Variants in TRIM64C observed in about 807,000 individuals in gnomAD.
TRIM64C encodes tripartite motif containing 64C, also known as tripartite motif-containing protein 64C.
A neutral mutation model predicts 36.1 loss-of-function variants in TRIM64C; 25 were observed. The ratio of observed to expected loss-of-function variants is 0.69; its 90% CI spans 0.51 to 0.97. The LOEUF (loss-of-function observed/expected upper bound fraction) is 0.97, where lower values mean the gene tolerates loss of function less well. Ranked by LOEUF, TRIM64C falls within the 50% of genes least tolerant of loss-of-function variation. The pLI is 0.00. For synonymous variants in TRIM64C, 212 were observed against 185.7 expected, an observed-to-expected ratio of 1.14 and a Z score of -1.15; for missense variants, 489 against 536.8, an observed-to-expected ratio of 0.91 and a Z score of 0.88.
At chr11:49,056,452 T>C in intron 3 of TRIM64C, 71 bp from the exon 4 acceptor site, 1 of 1,239,196 alleles carries the variant, frequency 8.1e-7, no homozygotes, top group Non-Finnish European at 1.2e-6. Flanking sequence ...CATACTCTTG[T>C]TTCTTTCTGT....
chr11:49,058,414 A>G (rs531884972), intron 1 of TRIM64C, among the ~76,000 whole-genome samples: 16 of 152,018 alleles, frequency 1.1e-4, no homozygotes, highest in Admixed American at 7.8e-4. Context: ...TGGGTTTTAC[A>G]TAACCTGACT....
chr11:49,057,963 A>AT, intron 2 of TRIM64C, 115 bp downstream of exon 2: 1 of 713,208 alleles, frequency 1.4e-6, no homozygotes, highest in Non-Finnish European at 2.3e-6. Context: ...AAATCACTAC[A>AT]TTTTCTTGAG....
rs749007530 is a variant in TRIM64C at position 49,059,007 on chromosome 11, T to C, written c.106A>G (p.Arg36Gly). ...VTTDCVHSFC[R>G]PCLCLCSEEG... ...TCTGAGCAGAGGCAGAGGCAGGGCC[T>C]GCAAAAGCTGTGCACACAGTCAGTG... The change falls in exon 1 of 6, where the codon AGG (arginine) becomes GGG (glycine). Residue 36 changes from arginine (R) to glycine (G), a missense_variant. Arg to Gly is a moderately radical substitution (Grantham distance 125, BLOSUM62 -2). Coordinates refer to ENST00000617704, the MANE Select transcript of TRIM64C (RefSeq NM_001206631.1). The C allele has an allele frequency of 6.4e-7, 1 of 1,551,680 alleles. No homozygotes were observed. The highest frequency in any genetic ancestry group is 2.4e-5 in the East Asian group (1 of 40,986).
intron 1 of TRIM64C, 112 bp downstream of exon 1, chr11:49,058,589 C>T (rs1173372699): frequency 2.7e-6 from 4 of 1,496,842 alleles, no homozygotes; most frequent in African/African-American, 1.4e-5. Context: ...TTATGATTGA[C>T]ATGGAATAAT....
In TRIM64C at chr11:49,054,226, T is replaced by A. The variant is rs1565097504; in HGVS notation, c.860-19A>T. 1 of 1,548,376 alleles carries A rather than the reference T, an allele frequency of 6.5e-7. No homozygotes were observed. Among genetic ancestry groups the A allele is most frequent in the African/African-American group, 1.4e-5 (1 of 73,106 alleles). On this transcript the variant is annotated intron_variant, in intron 5 of 5. Transcript: ENST00000617704. ...TTATCCACTGACAAGGAAAAAATAT[T>A]ATATTAGTGAGTGCTATGAGGGACA... is the stretch of plus-strand genomic sequence containing the variant.
chr11:49,053,809 A>G lies in TRIM64C; in HGVS notation c.1258T>C (p.Phe420Leu). 3 of 1,551,708 alleles carry G rather than the reference A, an allele frequency of 1.9e-6. No homozygotes were observed. The highest frequency in any genetic ancestry group is 2.6e-6 in the Non-Finnish European group (3 of 1,146,862). ...AGAGAACCTTTAGAAACATCAAAAA[A>G]ACTCACAGATCCATTATCATAATCC... The part of the protein sequence containing the change: ...FLDYDNGSVS[F>L]FDVSKGSLIY... The change falls in exon 6 of 6, where the codon TTT becomes CTT. Residue 420 changes from phenylalanine to leucine, a missense_variant. Physicochemically the swap from Phe to Leu is conservative, Grantham distance 22. Coordinates refer to ENST00000617704, the MANE Select transcript of TRIM64C (RefSeq NM_001206631.1).
chr11:49,054,707 AT>A, intron 5 of TRIM64C, among the ~76,000 whole-genome samples: 1 of 152,246 alleles, frequency 6.6e-6, no homozygotes, highest in African/African-American at 2.4e-5. Flanking sequence ...TTAGCCCCTG[AT>A]TCAATCTACT....
intron 2 of TRIM64C, 23 bp from the exon 3 acceptor site, chr11:49,057,401 G>T: frequency 6.5e-7 from 1 of 1,547,052 alleles, no homozygotes; most frequent in Non-Finnish European, 8.7e-7. Flanking sequence ...TTGGTTAAAA[G>T]GATTACATGT....
chr11:49,057,683 C>T (rs1043864451), intron 2 of TRIM64C: 22 of 471,260 alleles, frequency 4.7e-5, no homozygotes, highest in Non-Finnish European at 8.0e-5. Context: ...TCTAATTTGC[C>T]TAAATGTTAA....
intron 5 of TRIM64C, among the ~76,000 whole-genome samples, chr11:49,054,840 G>A (rs1854793613): frequency 6.6e-6 from 1 of 152,044 alleles, no homozygotes; most frequent in Admixed American, 6.5e-5. Context: ...CATTAGAATT[G>A]TCCTCATTAT....
Position 49,053,926 on chromosome 11 carries a change from A to T in TRIM64C, c.1141T>A (p.Ser381Thr). 1 of 1,551,610 alleles carries T rather than the reference A, an allele frequency of 6.4e-7. No homozygotes were observed. The highest frequency in any genetic ancestry group is 8.7e-7 in the Non-Finnish European group (1 of 1,146,848). The change falls in exon 6 of 6, where the codon TCA becomes ACA. Residue 381 changes from serine (S) to threonine (T), a missense_variant. By Grantham distance (58) the Ser-to-Thr change is moderately conservative (BLOSUM62 1). Coordinates refer to ENST00000617704, the MANE Select transcript of TRIM64C (RefSeq NM_001206631.1). ...AGACTATAGTGATTGCTCGTCTTTG[A>T]AGAAATTGAAAAAAATGTTTTGTCA... ...DSDKTFFSIS[S>T]KTSNHYSLST...
chr11:49,053,804 A>G lies in TRIM64C; in HGVS notation c.1263T>C (p.Phe421=), dbSNP rs535544314. 1 of 1,551,612 alleles carries G rather than the reference A, an allele frequency of 6.4e-7. No homozygotes were observed. The highest frequency in any genetic ancestry group is 2.4e-5 in the East Asian group (1 of 40,916). The change falls in exon 6 of 6, where the codon TTT becomes TTC. Residue 421 remains phenylalanine, a synonymous_variant. Transcript: ENST00000617704. ...AGATAAGAGAACCTTTAGAAACATC[A>G]AAAAAACTCACAGATCCATTATCAT... ...LDYDNGSVSF[F]DVSKGSLIYG...
In TRIM64C at chr11:49,057,090, C is replaced by T. The variant is rs1375827614; in HGVS notation, c.738+58G>A. ...CATATGCTGATGACATTTGCATGTC[C>T]TGGCAGCATTGTCCAGCAAAGGCTT... On this transcript the variant is annotated intron_variant, in intron 3 of 5. Transcript: ENST00000617704. 1.9e-6 allele frequency: 3 copies of T among 1,542,088 alleles called. No individual in the cohort carries two copies. The African/African-American group carries it at 4.2e-5, about 21-fold the overall frequency.
chr11:49,056,062 C>T (rs546637551), intron 4 of TRIM64C, among the ~76,000 whole-genome samples: 3 of 151,660 alleles, frequency 2.0e-5, no homozygotes, highest in South Asian at 2.1e-4. Flanking sequence ...GTAGAAGACA[C>T]CTCTATGATT....
rs1162514861 is a variant in TRIM64C, at chr11:49,053,767, G to T, written c.1300C>A (p.Pro434Thr). The T allele has an allele frequency of 2.6e-6, 4 of 1,551,024 alleles. No individual in the cohort carries two copies. The East Asian group carries it at 9.8e-5, about 38-fold the overall frequency. ...CTCAGAGGGGAAGAGAAGGAGGAAG[G>T]AGGAAAACCATAGATAAGAGAACCT... ...SKGSLIYGFP[P>T]SSFSSPLRPF... The change falls in exon 6 of 6, where the codon CCT (proline) becomes ACT (threonine). Residue 434 changes from proline (P) to threonine (T), a missense_variant. Coordinates refer to ENST00000617704, the MANE Select transcript of TRIM64C (RefSeq NM_001206631.1).
rs1336691557 is a variant in TRIM64C at position 49,054,054 on chromosome 11, G to C, written c.1013C>G (p.Ser338Cys). Residue 338 changes from serine (S) to cysteine (C), a missense_variant, in exon 6 of 6, where the codon TCC (serine) becomes TGC (cysteine). Ser to Cys is a moderately radical substitution (Grantham distance 112, BLOSUM62 -1). Transcript: ENST00000617704. ...ATCCACTTCCCAGTAATGCTTGCCG[G>C]AGGTGAATGCTTGCGCACACCACAC... ...FAVWCAQAFT[S>C]GKHYWEVDVT... 6.4e-7 allele frequency: 1 copy of C among 1,551,552 alleles called. No homozygotes were observed. Among genetic ancestry groups the C allele is most frequent in the Admixed American group, 2.0e-5 (1 of 50,998 alleles).
In TRIM64C at chr11:49,058,062, C is replaced by T. The variant is rs1375721858; in HGVS notation, c.507+16G>A. 2.3e-5 allele frequency: 34 copies of T among 1,478,708 alleles called. No individual in the cohort carries two copies. The highest frequency in any genetic ancestry group is 1.1e-4 in the Admixed American group (5 of 46,302). The allele number at this position is 1,478,708 out of a possible 1,614,324, so 91.6% of individuals were successfully genotyped here. ...TTTATTTGCATAAAAACAAAGGAAA[C>T]ATTTTCATTCTTAACCACTAATGAA... On this transcript the variant is annotated intron_variant, in intron 2 of 5. Coordinates refer to ENST00000617704, the MANE Select transcript of TRIM64C (RefSeq NM_001206631.1).
Position 49,057,451 on chromosome 11 carries a change from G to C in TRIM64C, c.508-73C>G, listed in dbSNP as rs1223397817. ...GAAAACTTCAAATAATTATATGCTG[G>C]GTGTAATCAAGCAATTTATAAACTT... is the stretch of plus-strand genomic sequence containing the variant. On this transcript the variant is annotated intron_variant, in intron 2 of 5. Transcript: ENST00000617704. 8 of 1,455,428 alleles carry C rather than the reference G, an allele frequency of 5.5e-6. No individual in the cohort carries two copies. The East Asian group carries it at 9.9e-5, about 18-fold the overall frequency. The allele number at this position is 1,455,428 out of a possible 1,614,324, so 90.2% of individuals were successfully genotyped here.
At position 49,056,315 on chromosome 11, in the gene TRIM64C, G is replaced by A. The variant is rs1417051691; in HGVS notation, c.761+44C>T. Reference sequence around the variant, plus strand: ...GTATACATCCCCTTCATTCACAAGAGAACAAATTTTTCAGAAATAGCATTT... The same window carrying A: ...GTATACATCCCCTTCATTCACAAGAAAACAAATTTTTCAGAAATAGCATTT... On this transcript the variant is annotated intron_variant, in intron 4 of 5. Transcript: ENST00000617704. 4 of 1,458,488 alleles carry A rather than the reference G, an allele frequency of 2.7e-6. No individual in the cohort carries two copies. In the South Asian group the frequency reaches 4.9e-5, roughly 18 times the overall value. 90.3% of individuals were successfully genotyped at this position (1,458,488 alleles called of 1,614,324 possible).
Sources: allele counts gnomAD v4.1 joint callset (sites outside exome capture counted in the v4.1 genomes callset), GRCh38; gene constraint gnomAD v4.1.1; transcripts MANE v1.5; gene names NCBI Gene and HGNC (gene_info 2026-07-23, HGNC 2026-07-21).